Variants in SVIL observed in about 807,000 individuals in gnomAD.
SVIL encodes the protein archvillin.
A neutral mutation model predicts 240.4 loss-of-function variants in SVIL; 101 were observed. That is an observed-to-expected ratio of 0.42 (90% CI 0.36 to 0.50). The LOEUF (loss-of-function observed/expected upper bound fraction) is 0.50. Among genes scored for constraint, SVIL ranks in the 20% least tolerant of loss-of-function variants. The pLI is 0.01. For missense variants in SVIL, 2,512 were observed against 2,818.7 expected, an observed-to-expected ratio of 0.89 and a Z score of 2.46; for synonymous variants, 999 against 1,100.0, an observed-to-expected ratio of 0.91 and a Z score of 1.82.
chr10:29,542,230 C>CACAGAAAATAGCAGAACATTCAT (rs1201175339), intron 6 of SVIL, among the ~76,000 whole-genome samples: 2 of 152,176 alleles, frequency 1.3e-5, no homozygotes, highest in African/African-American at 4.8e-5. Context: ...TTTAAGCAAA[C>CACAGAAAATAGCAGAACATTCAT]ACAGAAAATA....
chr10:29,501,580 T>C (rs1234298805), intron 17 of SVIL, among the ~76,000 whole-genome samples: 1 of 152,200 alleles, frequency 6.6e-6, no homozygotes, highest in Non-Finnish European at 1.5e-5. Context: ...TAACATTTTA[T>C]CAAAATTCAA....
intron 1 of SVIL, among the ~76,000 whole-genome samples, chr10:29,718,703 G>T (rs1444840130): frequency 6.6e-6 from 1 of 152,170 alleles, no homozygotes; most frequent in African/African-American, 2.4e-5. Context: ...AGTAGTCAGT[G>T]CATGTTTCTG....
At chr10:29,675,085 G>A (rs562876915) in intron 2 of SVIL, among the ~76,000 whole-genome samples, 46 of 152,214 alleles carry the variant, frequency 3.0e-4, no homozygotes, top group African/African-American at 1.0e-3. Context: ...GACATTTTTC[G>A]AAGAGGAGGA....
At chr10:29,490,699 T>C (rs1947874802) in intron 22 of SVIL, 148 bp downstream of exon 22, 9 of 854,510 alleles carry the variant, frequency 1.1e-5, no homozygotes, top group South Asian at 1.8e-5. Context: ...TGCGTGCACA[T>C]GTATGTGCAA....
chr10:29,540,924 C>T (rs1028576008), intron 6 of SVIL, among the ~76,000 whole-genome samples: 1 of 152,190 alleles, frequency 6.6e-6, no homozygotes, highest in African/African-American at 2.4e-5. Flanking sequence ...GCAGCCTGAT[C>T]ATAATACTGA....
intron 1 of SVIL, among the ~76,000 whole-genome samples, chr10:29,598,774 G>C (rs979144714): frequency 6.6e-6 from 1 of 152,216 alleles, no homozygotes; most frequent in African/African-American, 2.4e-5. Context: ...AATGTGAAAA[G>C]CCTGTTAGGT....
At chr10:29,514,228 A>AT (rs1220240382) in intron 16 of SVIL, among the ~76,000 whole-genome samples, 3 of 152,114 alleles carry the variant, frequency 2.0e-5, no homozygotes, top group African/African-American at 7.2e-5. Context: ...ATCCATAAAT[A>AT]TTTTTTATTG....
At chr10:29,597,171 G>A (rs754245067) in intron 1 of SVIL, among the ~76,000 whole-genome samples, 9 of 152,200 alleles carry the variant, frequency 5.9e-5, no homozygotes, top group Non-Finnish European at 8.8e-5. Context: ...GGGCATACGC[G>A]TTAAGAGACA....
intron 34 of SVIL, among the ~76,000 whole-genome samples, chr10:29,465,218 A>G (rs896597934): frequency 2.0e-4 from 30 of 152,072 alleles, no homozygotes; most frequent in African/African-American, 7.0e-4. Context: ...TTCTCTTTCT[A>G]TCTTGAATGC....
At chr10:29,465,826 A>G in intron 33 of SVIL, 76 bp from the exon 34 acceptor site, 1 of 1,515,592 alleles carries the variant, frequency 6.6e-7, no homozygotes, top group Non-Finnish European at 9.0e-7. Context: ...TGAATGTAAA[A>G]TATGAAATAA....
intron 1 of SVIL, among the ~76,000 whole-genome samples, chr10:29,692,660 T>C (rs118074912): frequency 0.015 from 2,285 of 149,988 alleles, 45 homozygotes; most frequent in East Asian, 0.095. Context: ...TATATAAAAA[T>C]ATATTTTTTT....
chr10:29,515,732 C>A (rs182730956), intron 16 of SVIL, among the ~76,000 whole-genome samples: 1 of 152,166 alleles, frequency 6.6e-6, no homozygotes, highest in Non-Finnish European at 1.5e-5. Context: ...CATTAAAAGT[C>A]ATGAGCTCTG....
intron 5 of SVIL, among the ~76,000 whole-genome samples, chr10:29,553,319 T>C (rs12572333): frequency 0.3 from 45,442 of 151,928 alleles, 7,097 homozygotes; most frequent in African/African-American, 0.39. Context: ...TGGCTCACGC[T>C]TGTAATCACA....
intron 20 of SVIL, among the ~76,000 whole-genome samples, chr10:29,494,058 C>T (rs1040094066): frequency 4.6e-5 from 7 of 152,142 alleles, no homozygotes; most frequent in African/African-American, 1.7e-4. Context: ...ATAGTCCCGC[C>T]TACTTGGGAG....
Position 29,634,815 on chromosome 10 carries a change from T to C in SVIL, c.-596A>G, listed in dbSNP as rs1199858026. 6.6e-6 allele frequency: 1 copy of C among 152,000 alleles called. No homozygotes were observed. Among genetic ancestry groups the C allele is most frequent in the African/African-American group, 2.4e-5 (1 of 41,376 alleles). The allele number at this position is 152,000 out of a possible 1,614,324, so 9.4% of individuals were successfully genotyped here. A position where few individuals can be genotyped will look rare whatever the true frequency, so the allele number is the denominator to read the frequency against. ...TTCCTCTCCAAAAAGAACGCCAAAA[T>C]ATTAATAAAAAGAGTCTTCTTTTTG... On this transcript the variant is annotated 5_prime_UTR_variant, in exon 1 of 38. The change creates a new upstream start codon in the 5' untranslated region. Coordinates refer to ENST00000355867, the MANE Select transcript of SVIL (RefSeq NM_021738.3).
intron 2 of SVIL, among the ~76,000 whole-genome samples, chr10:29,684,907 G>A (rs78516130): frequency 0.022 from 3,294 of 152,198 alleles, 109 homozygotes; most frequent in African/African-American, 0.075. Flanking sequence ...TCAGTCTTAG[G>A]ACCTTTATTT....
chr10:29,545,853 C>CAAAAA (rs755360700), intron 6 of SVIL, among the ~76,000 whole-genome samples: 139 of 63,584 alleles, frequency 2.2e-3, no homozygotes, highest in South Asian at 9.2e-3. Context: ...GACTCTGTCT[C>CAAAAA]AAAAAAAAAA....
intron 29 of SVIL, among the ~76,000 whole-genome samples, chr10:29,479,652 T>C (rs1946609925): frequency 6.6e-6 from 1 of 152,192 alleles, no homozygotes; most frequent in Non-Finnish European, 1.5e-5. Context: ...TGTCAGCTGA[T>C]GAATAGATGC....
intron 5 of SVIL, among the ~76,000 whole-genome samples, chr10:29,551,809 T>C (rs969959045): frequency 6.6e-6 from 1 of 152,058 alleles, no homozygotes; most frequent in Non-Finnish European, 1.5e-5. Context: ...ACATGCCTGG[T>C]GTAGGAAATA....
Sources: allele counts gnomAD v4.1 joint callset (sites outside exome capture counted in the v4.1 genomes callset), GRCh38; gene constraint gnomAD v4.1.1; transcripts MANE v1.5; gene names NCBI Gene and HGNC (gene_info 2026-07-23, HGNC 2026-07-21).